The following TNS2 variants were observed in gnomAD, a reference collection of about 807,000 sequenced individuals.
TNS2 encodes the protein tensin 2.
Under a neutral mutation model 155.7 loss-of-function variants are expected in TNS2, and 77 were observed. The ratio of observed to expected loss-of-function variants is 0.49; its 90% CI spans 0.41 to 0.60. The LOEUF (loss-of-function observed/expected upper bound fraction) is 0.60. Ranked by LOEUF, TNS2 falls within the 20% of genes least tolerant of loss-of-function variation. TNS2 has a pLI of 0.00. For missense variants in TNS2, 1,703 were observed against 1,868.8 expected, an observed-to-expected ratio of 0.91 and a Z score of 1.64; for synonymous variants, 726 against 763.9, an observed-to-expected ratio of 0.95 and a Z score of 0.82.
In TNS2 at chr12:53,059,682, G is replaced by A. The variant is rs1481082449; in HGVS notation, c.2041G>A (p.Asp681Asn). ...CTACCGGGAGGTGGTCATCCTGGAGGACCCTGGGCTGCCTGCCCTATACCC... is the reference window on the plus strand; with the variant it reads ...CTACCGGGAGGTGGTCATCCTGGAGAACCCTGGGCTGCCTGCCCTATACCC... ...PGYREVVILE[D>N]PGLPALYPCP... The change falls in exon 18 of 29, where the codon GAC becomes AAC. Residue 681 changes from aspartate to asparagine, a missense_variant. Transcript: ENST00000314250. This position sits in a 1 kb window ranked among gnomAD's most constrained non-coding sequence, Gnocchi z 4.7. 1.2e-6 allele frequency: 2 copies of A among 1,613,122 alleles called. No homozygotes were observed. Among genetic ancestry groups the A allele is most frequent in the Non-Finnish European group, 1.7e-6 (2 of 1,179,930 alleles).
chr12:53,061,247 A>G lies in TNS2; in HGVS notation c.3341A>G (p.Asn1114Ser), dbSNP rs988177706. 1.9e-6 allele frequency: 3 copies of G among 1,568,102 alleles called. No individual in the cohort carries two copies. Among genetic ancestry groups the G allele is most frequent in the African/African-American group, 2.7e-5 (2 of 73,604 alleles). ...ACCTTCGCACCTCTGCTCTCAGATA[A>G]TGTCCCCCAAACCCCAGGTATAAAG... The part of the protein sequence containing the change: ...HVTFAPLLSD[N>S]VPQTPEPPTQ... Residue 1114 changes from asparagine to serine, a missense_variant, in exon 20 of 29, where the codon AAT becomes AGT. By Grantham distance (46) the Asn-to-Ser change is conservative. Coordinates refer to ENST00000314250, the MANE Select transcript of TNS2 (RefSeq NM_170754.4).
intron 22 of TNS2, 31 bp from the exon 23 acceptor site, chr12:53,062,122 A>G (rs911644191): frequency 3.1e-6 from 5 of 1,613,352 alleles, no homozygotes; most frequent in Non-Finnish European, 2.5e-6. Context: ...TGGAATCCTA[A>G]AGCCGCAATC....
chr12:53,052,502 T>A lies in TNS2; in HGVS notation c.222+10T>A. The A allele has an allele frequency of 1.2e-6, 2 of 1,613,872 alleles. No individual in the cohort carries two copies. The highest frequency in any genetic ancestry group is 1.7e-6 in the Non-Finnish European group (2 of 1,179,856). The stretch of plus-strand genomic sequence containing the variant: ...AAAATGTGAAGCAAAGGTGGGTATC[T>A]GATTCTACCTGATAGGGGGAGAGGG... On this transcript the variant is annotated intron_variant, in intron 3 of 28. Coordinates refer to ENST00000314250, the MANE Select transcript of TNS2 (RefSeq NM_170754.4).
chr12:53,054,382 C>G lies in TNS2; in HGVS notation c.463C>G (p.Arg155Gly). The G allele has an allele frequency of 6.2e-7, 1 of 1,611,446 alleles. No homozygotes were observed. The highest frequency in any genetic ancestry group is 8.5e-7 in the Non-Finnish European group (1 of 1,179,452). Residue 155 changes from arginine to glycine, a missense_variant, in exon 7 of 29, where the codon CGG (arginine) becomes GGG (glycine). Arg to Gly is a moderately radical substitution (Grantham distance 125, BLOSUM62 -2). Transcript: ENST00000314250. ...FPARPDEQRH[R>G]GHLRELAHVL... is the part of the protein sequence containing the mutation. ...CGCGCGGCCCGATGAACAGCGGCAC[C>G]GGGGCCACCTGCGCGAGCTGGCCCA...
Position 53,064,007 on chromosome 12 carries a change from T to C in TNS2, c.*125T>C. On this transcript the variant is annotated 3_prime_UTR_variant, in exon 29 of 29. Coordinates refer to ENST00000314250, the MANE Select transcript of TNS2 (RefSeq NM_170754.4). Reference sequence around the variant, plus strand: ...AGCACCCTCCCTTAGGAATGAGGAGTGGGCATCAGGCCTGGGACACTGCTC... The same window carrying C: ...AGCACCCTCCCTTAGGAATGAGGAGCGGGCATCAGGCCTGGGACACTGCTC... The C allele has an allele frequency of 9.0e-7, 1 of 1,105,306 alleles. No homozygotes were observed. Among genetic ancestry groups the C allele is most frequent in the East Asian group, 2.5e-5 (1 of 39,896 alleles). The allele number at this position is 1,105,306 out of a possible 1,614,324, so 68.5% of individuals were successfully genotyped here.
At chr12:53,057,476 G>C (rs1346653235) in intron 11 of TNS2, 91 bp from the exon 12 acceptor site, 7 of 972,918 alleles carry the variant, frequency 7.2e-6, no homozygotes, top group African/African-American at 3.3e-5. Flanking sequence ...TTGAGCAGAA[G>C]AGCGAGCCTT....
chr12:53,055,036 G>T, intron 7 of TNS2, 150 bp from the exon 8 acceptor site: 2 of 777,020 alleles, frequency 2.6e-6, no homozygotes, highest in Non-Finnish European at 4.2e-6. Flanking sequence ...CGCCCGCCTT[G>T]GTCTCCCAAA....
Position 53,050,106 on chromosome 12 carries a change from C to T in TNS2, c.-80C>T. 1 of 1,562,566 alleles carries T rather than the reference C, an allele frequency of 6.4e-7. No homozygotes were observed. Among genetic ancestry groups the T allele is most frequent in the Non-Finnish European group, 8.6e-7 (1 of 1,157,100 alleles). On this transcript the variant is annotated 5_prime_UTR_variant, in exon 1 of 29. Transcript: ENST00000314250. The surrounding 1 kb of genome is among the most constrained non-coding windows in gnomAD (Gnocchi z 4.7). The stretch of plus-strand genomic sequence containing the variant: ...GCCCAGGGGAAGCGGCTGCCTCCGC[C>T]AGGCCGCTTCCAGGAAGCCCCGGGC...
rs569908862 is a variant in TNS2 at position 53,058,553 on chromosome 12, C to T, written c.1226-19C>T. 1 of 1,614,082 alleles carries T rather than the reference C, an allele frequency of 6.2e-7. No homozygotes were observed. The highest frequency in any genetic ancestry group is 2.2e-5 in the East Asian group (1 of 44,880). ...GGTATGGGCCAGGGGCCTGGTTCTT[C>T]ACTGTCCACTCCCCATAGATGAGAG... On this transcript the variant is annotated intron_variant, in intron 15 of 28. Coordinates refer to ENST00000314250, the MANE Select transcript of TNS2 (RefSeq NM_170754.4).
In TNS2 at chr12:53,059,108, TCCCCGGCAGACCC is replaced by T; in HGVS notation, c.1476_1488del (p.Gln492HisfsTer24). ...GTCCTTATGCCCAGGTGCAGCGGCC[TCCCCGGCAGACCC>T]CCCCGGCACCCTCTCCAGAGCCTCC... On this transcript the variant is annotated frameshift_variant, in exon 18 of 29. Transcript: ENST00000314250. LOFTEE classifies it high-confidence loss of function. The surrounding 1 kb of genome is among the most constrained non-coding windows in gnomAD (Gnocchi z 4.7). 1 of 1,548,394 alleles carries T rather than the reference TCCCCGGCAGACCC, an allele frequency of 6.5e-7. No homozygotes were observed. Among genetic ancestry groups the T allele is most frequent in the Non-Finnish European group, 8.7e-7 (1 of 1,155,434 alleles).
chr12:53,049,973 C>T, upstream of TNS2: 1 of 1,132,824 alleles, frequency 8.8e-7, no homozygotes, highest in Non-Finnish European at 1.2e-6. Context: ...TCCCCCACAT[C>T]CTCCCCCCTC....
chr12:53,054,258 C>T lies in TNS2; in HGVS notation c.351-12C>T, dbSNP rs762509122. On this transcript the variant is annotated splice_polypyrimidine_tract_variant and intron_variant, in intron 6 of 28. Transcript: ENST00000314250. ...CCGCCCCTGCGTTCATGCGTAGGCT[C>T]CTCCTCCCCAGGAGCTTCAGCCTGG... 1.9e-6 allele frequency: 3 copies of T among 1,611,600 alleles called. No homozygotes were observed. The Admixed American group carries it at 5.1e-5, about 27-fold the overall frequency.
chr12:53,055,051 T>G lies in TNS2; in HGVS notation c.523-135T>G, dbSNP rs1056198166. ...CGCCCGCCTTGGTCTCCCAAAGTGC[T>G]GGGGTTATAGGCGTGAGTTACTGCG... On this transcript the variant is annotated intron_variant, in intron 7 of 28. Coordinates refer to ENST00000314250, the MANE Select transcript of TNS2 (RefSeq NM_170754.4). 32 of 967,942 alleles carry G rather than the reference T, an allele frequency of 3.3e-5. No homozygotes were observed. In the African/African-American group the frequency reaches 4.6e-4, roughly 14 times the overall value. The allele number at this position is 967,942 out of a possible 1,614,324, so 60.0% of individuals were successfully genotyped here.
In TNS2 at chr12:53,058,213, C is replaced by A. The variant is rs536455819; in HGVS notation, c.1096-103C>A. ...ATTGGAGAGCGAGTAGGGAGATCAC[C>A]TTGAGATCGAGGCAGGGCAGAAGCT... On this transcript the variant is annotated intron_variant, in intron 14 of 28. Transcript: ENST00000314250. The A allele has an allele frequency of 3.1e-6, 5 of 1,605,374 alleles. No homozygotes were observed. The African/African-American group carries it at 6.7e-5, about 21-fold the overall frequency.
intron 3 of TNS2, 51 bp downstream of exon 3, chr12:53,052,543 T>C: frequency 6.2e-7 from 1 of 1,610,346 alleles, no homozygotes; most frequent in African/African-American, 1.3e-5. Context: ...AGTCCCTTCC[T>C]CCTCCCAAAC....
chr12:53,060,214 C>A lies in TNS2; in HGVS notation c.2573C>A (p.Pro858Gln). Residue 858 changes from proline to glutamine, a missense_variant, in exon 18 of 29, where the codon CCA (proline) becomes CAA (glutamine). Transcript: ENST00000314250. This position sits in a 1 kb window ranked among gnomAD's most constrained non-coding sequence, Gnocchi z 6.1. ...IPTEEGGDRY[P>Q]LPGHLASAGP... ...ACGGAGGAGGGAGGGGACAGGTACC[C>A]ATTGCCTGGGCACCTGGCCTCAGCA... The A allele has an allele frequency of 6.4e-7, 1 of 1,561,796 alleles. No homozygotes were observed. Among genetic ancestry groups the A allele is most frequent in the South Asian group, 1.2e-5 (1 of 84,328 alleles).
upstream of TNS2, chr12:53,049,989 C>T: frequency 7.3e-7 from 1 of 1,372,330 alleles, no homozygotes; most frequent in South Asian, 1.5e-5. Flanking sequence ...CCCTCCACTT[C>T]CTGGAGCAGC....
At chr12:53,052,387 G>A (rs1408511840) in intron 2 of TNS2, 68 bp from the exon 3 acceptor site, 43 of 1,586,156 alleles carry the variant, frequency 2.7e-5, no homozygotes, top group Non-Finnish European at 3.6e-5. Context: ...TGGGAGATGA[G>A]GGAAGGCCAT....
In TNS2 at chr12:53,061,009, G is replaced by C. The variant is rs769364390; in HGVS notation, c.3103G>C (p.Val1035Leu). ...CCCAGATGGGTCTCCCCTCACTCCTGTGCCTTCCCAGATGCCCTGGCTTGT... is the reference window on the plus strand; with the variant it reads ...CCCAGATGGGTCTCCCCTCACTCCTCTGCCTTCCCAGATGCCCTGGCTTGT... ...DSPDGSPLTP[V>L]PSQMPWLVAS... The change falls in exon 20 of 29, where the codon GTG (valine) becomes CTG (leucine). Residue 1035 changes from valine (V) to leucine (L), a missense_variant. By Grantham distance (32) the Val-to-Leu change is conservative. Transcript: ENST00000314250. The C allele has an allele frequency of 6.2e-7, 1 of 1,613,484 alleles. No homozygotes were observed. The highest frequency in any genetic ancestry group is 1.7e-5 in the Admixed American group (1 of 59,982).
Sources: allele counts gnomAD v4.1 joint callset, GRCh38; gene constraint gnomAD v4.1.1; non-coding constraint Gnocchi (gnomAD v3.1); transcripts MANE v1.5; gene names NCBI Gene and HGNC (gene_info 2026-07-23, HGNC 2026-07-21).